MORF4L1: variants seen among roughly 807,000 people sequenced by gnomAD.
MORF4L1 encodes mortality factor 4-like protein 1.
A neutral mutation model predicts 52.9 loss-of-function variants in MORF4L1; 4 were observed. That is an observed-to-expected ratio of 0.08 (90% CI 0.04 to 0.17). The LOEUF is 0.17. Among genes scored for constraint, MORF4L1 ranks in the 10% least tolerant of loss-of-function variants. The pLI is 1.00. For missense variants in MORF4L1, 214 were observed against 390.4 expected (o/e 0.55, Z 3.81); for synonymous variants, 123 against 134.8 (o/e 0.91, Z 0.61).
intron 1 of MORF4L1, among the ~76,000 whole-genome samples, chr15:78,874,152 T>G (rs1209293034): frequency 6.6e-6 from 1 of 152,166 alleles, no homozygotes; most frequent in Non-Finnish European, 1.5e-5. Context: ...GGAAGTAAAG[T>G]CCTGTTGAGA....
rs767061563 is a variant in MORF4L1 at position 78,897,140 on chromosome 15, C to T, written c.*73C>T. The T allele has an allele frequency of 1.2e-5, 14 of 1,214,854 alleles. No homozygotes were observed. The highest frequency in any genetic ancestry group is 3.0e-5 in the African/African-American group (2 of 67,384). The allele number at this position is 1,214,854 out of a possible 1,614,324, so 75.3% of individuals were successfully genotyped here. On this transcript the variant is annotated 3_prime_UTR_variant, in exon 12 of 12. Transcript: ENST00000426013. ...GTTCTTAGTCTATCTCTTGTACAAACGATGTGCTTTGAAGATGTTAGTGTA... is the reference window on the plus strand; with the variant it reads ...GTTCTTAGTCTATCTCTTGTACAAATGATGTGCTTTGAAGATGTTAGTGTA...
intron 2 of MORF4L1, among the ~76,000 whole-genome samples, chr15:78,878,560 G>A (rs2056538899): frequency 1.3e-5 from 2 of 152,032 alleles, no homozygotes; most frequent in Non-Finnish European, 1.5e-5. Context: ...TAATGACTTG[G>A]TGAGAAAACA....
chr15:78,885,255 A>G (rs2056680377), intron 3 of MORF4L1, among the ~76,000 whole-genome samples: 1 of 152,228 alleles, frequency 6.6e-6, no homozygotes, highest in Non-Finnish European at 1.5e-5. Context: ...TAATTGTGTC[A>G]CTAAAGGAGC....
intron 1 of MORF4L1, chr15:78,873,284 G>C: frequency 7.1e-7 from 1 of 1,408,882 alleles, no homozygotes; most frequent in Non-Finnish European, 9.4e-7. Context: ...GTGGGAGAGA[G>C]AGCGTTTGGC....
chr15:78,887,855 T>C (rs948004384), intron 5 of MORF4L1, among the ~76,000 whole-genome samples: 8 of 152,214 alleles, frequency 5.3e-5, no homozygotes, highest in Non-Finnish European at 2.9e-5. Context: ...CTGTGCTCAC[T>C]GCAACCTCTG....
At chr15:78,894,416 A>ATT (rs905495747) in intron 10 of MORF4L1, 186 bp downstream of exon 10, 116 of 371,964 alleles carry the variant, frequency 3.1e-4, no homozygotes, top group South Asian at 4.3e-4. Flanking sequence ...TTATTTTATA[A>ATT]TTTTTTTTTT....
At chr15:78,876,639 AAC>A (rs1358480303) in intron 1 of MORF4L1, 2 of 455,384 alleles carry the variant, frequency 4.4e-6, no homozygotes, top group East Asian at 7.0e-5. Flanking sequence ...GAAATTAGGA[AAC>A]ACAGATCTGA....
rs2056393813 is a variant in MORF4L1 at position 78,872,939 on chromosome 15, G to A, written c.-79G>A. ...GGCAGTGCCTGACGGCGCGTCTGAC[G>A]CGGAGTTGGGTGGGGTAGAGAGTAG... On this transcript the variant is annotated 5_prime_UTR_variant, in exon 1 of 12. Coordinates refer to ENST00000426013, the MANE Select transcript of MORF4L1 (RefSeq NM_006791.4). The A allele has an allele frequency of 1.3e-6, 2 of 1,512,258 alleles. No individual in the cohort carries two copies. The highest frequency in any genetic ancestry group is 2.5e-5 in the Admixed American group (1 of 40,804). 93.7% of individuals were successfully genotyped at this position (1,512,258 alleles called of 1,614,324 possible). A position where few individuals can be genotyped will look rare whatever the true frequency, so the allele number is the denominator to read the frequency against.
At chr15:78,879,531 T>TA (rs1452530080) in intron 2 of MORF4L1, among the ~76,000 whole-genome samples, 1 of 152,266 alleles carries the variant, frequency 6.6e-6, no homozygotes, top group East Asian at 1.9e-4. Flanking sequence ...GACTGTCTCT[T>TA]AAAAAAGAAA....
intron 11 of MORF4L1, among the ~76,000 whole-genome samples, chr15:78,895,881 T>G (rs75732182): frequency 0.13 from 19,608 of 151,772 alleles, 1,340 homozygotes; most frequent in East Asian, 0.26. Context: ...TATCATCTTT[T>G]CTTTACTAAT....
intron 11 of MORF4L1, among the ~76,000 whole-genome samples, chr15:78,895,864 C>G (rs2056878317): frequency 6.6e-6 from 1 of 152,048 alleles, no homozygotes; most frequent in African/African-American, 2.4e-5. Flanking sequence ...AGAATGTAGG[C>G]AAGATTTATC....
At chr15:78,875,348 G>T (rs990916771) in intron 1 of MORF4L1, among the ~76,000 whole-genome samples, 2 of 152,228 alleles carry the variant, frequency 1.3e-5, no homozygotes, top group African/African-American at 2.4e-5. Flanking sequence ...AATTGGAGAA[G>T]AGTAGGAACC....
chr15:78,877,969 T>G, intron 1 of MORF4L1: 2 of 398,530 alleles, frequency 5.0e-6, no homozygotes, highest in East Asian at 4.0e-5. Flanking sequence ...AGGTGATAGA[T>G]GATTTGATTA....
At chr15:78,895,923 T>C (rs910185787) in intron 11 of MORF4L1, among the ~76,000 whole-genome samples, 1 of 152,200 alleles carries the variant, frequency 6.6e-6, no homozygotes, top group Non-Finnish European at 1.5e-5. Flanking sequence ...TCAGTTTCTT[T>C]ATGGAATGTG....
At chr15:78,883,294 A>G (rs933315839) in intron 3 of MORF4L1, among the ~76,000 whole-genome samples, 5 of 152,164 alleles carry the variant, frequency 3.3e-5, no homozygotes, top group Non-Finnish European at 5.9e-5. Flanking sequence ...ATATTTTTAA[A>G]AACCTTAAAA....
At position 78,898,063 on chromosome 15, in the gene MORF4L1, G is replaced by T. The variant is rs562007861; in HGVS notation, c.*996G>T. The T allele has an allele frequency of 3.9e-5, 6 of 151,976 alleles. No homozygotes were observed. The highest frequency in any genetic ancestry group is 2.6e-4 in the Admixed American group (4 of 15,238). 9.4% of individuals were successfully genotyped at this position (151,976 alleles called of 1,614,324 possible). The stretch of plus-strand genomic sequence containing the variant: ...TGTCTATAATTGTTTACTTTTGTGG[G>T]TTTACTCTAGAAACATGAGCCAAAA... On this transcript the variant is annotated 3_prime_UTR_variant, in exon 12 of 12. Coordinates refer to ENST00000426013, the MANE Select transcript of MORF4L1 (RefSeq NM_006791.4).
intron 1 of MORF4L1, chr15:78,873,973 G>A (rs1181016136): frequency 2.0e-5 from 3 of 152,206 alleles, no homozygotes; most frequent in Non-Finnish European, 4.4e-5. Context: ...TGTTTGATTA[G>A]TTGCAGTGTT....
chr15:78,891,008 C>A lies in MORF4L1; in HGVS notation c.343C>A (p.Gln115Lys). The A allele has an allele frequency of 2.1e-6, 3 of 1,454,220 alleles. No homozygotes were observed. The highest frequency in any genetic ancestry group is 2.4e-5 in the Admixed American group (1 of 42,432). 90.1% of individuals were successfully genotyped at this position (1,454,220 alleles called of 1,614,324 possible). A position where few individuals can be genotyped will look rare whatever the true frequency, so the allele number is the denominator to read the frequency against. The change falls in exon 6 of 12, where the codon CAG becomes AAG. Residue 115 changes from glutamine to lysine, a missense_variant. Around this residue, in one of 5 missense-constraint regions of MORF4L1, gnomAD observed 84 missense variants for 116.3 expected, o/e 0.72. Coordinates refer to ENST00000426013, the MANE Select transcript of MORF4L1 (RefSeq NM_006791.4). Reference protein sequence around the residue: ...NVEVKTKKNKQKTPGNGDGGS... With the variant: ...NVEVKTKKNKKKTPGNGDGGS... ...TTTTAGGAAAACGAAAAAGAACAAA[C>A]AGAAAAGTAAGAATATTAACTTTCT... is the stretch of plus-strand genomic sequence containing the variant.
In MORF4L1 at chr15:78,886,306, C is replaced by T. The variant is rs563494108; in HGVS notation, c.242+79C>T. 2.8e-5 allele frequency: 35 copies of T among 1,239,178 alleles called. 2 individuals are homozygous for T. The South Asian group carries it at 4.2e-4, about 15-fold the overall frequency. 76.8% of individuals were successfully genotyped at this position (1,239,178 alleles called of 1,614,324 possible). A position where few individuals can be genotyped will look rare whatever the true frequency, so the allele number is the denominator to read the frequency against. On this transcript the variant is annotated intron_variant, in intron 4 of 11. Transcript: ENST00000426013. ...TGGACATGGAATGAACAATGGAGAT[C>T]ATGTTGGCTGCCCTGCCTATAAAAT...
Sources: gnomAD v4.1 joint callset for allele counts (sites outside exome capture counted in the v4.1 genomes callset) on GRCh38, gnomAD v4.1.1 for gene constraint, gnomAD v4.1.1 regional missense constraint, MANE v1.5 for transcripts, NCBI Gene and HGNC (gene_info 2026-07-23, HGNC 2026-07-21) for gene names.